Variants in PRKCA observed in about 807,000 individuals in gnomAD.
The protein encoded by PRKCA is protein kinase C alpha.
A neutral mutation model predicts 87.0 loss-of-function variants in PRKCA; 27 were observed. The ratio of observed to expected loss-of-function variants is 0.31; its 90% CI spans 0.23 to 0.43. The LOEUF (loss-of-function observed/expected upper bound fraction) is 0.43, where lower values mean the gene tolerates loss of function less well. Ranked by LOEUF, PRKCA falls within the 20% of genes least tolerant of loss-of-function variation. PRKCA has a pLI of 1.00. For missense variants in PRKCA, 518 were observed against 852.3 expected (o/e 0.61, Z 4.88); for synonymous variants, 329 against 311.1 (o/e 1.06, Z -0.61).
chr17:66,591,863 A>G (rs1969815973), intron 3 of PRKCA, among the ~76,000 whole-genome samples: 1 of 151,926 alleles, frequency 6.6e-6, no homozygotes, highest in Non-Finnish European at 1.5e-5. Flanking sequence ...ATGTTGAGAG[A>G]GCAGTCATCC....
In PRKCA at chr17:66,533,732, T is replaced by A. The variant is rs149759816; in HGVS notation, c.288+37449T>A. On this transcript the variant is annotated intron_variant, in intron 3 of 16. Transcript: ENST00000413366. ...CTGGCCAGGCAGACCCCGTTCCTTT[T>A]GCGAGTTTCCTGCAAGGCTGTTGTT... 4.4e-3 allele frequency among the ~76,000 whole-genome samples: 677 copies of A among 152,278 alleles called. 2 individuals are homozygous for A. The highest frequency in any genetic ancestry group is 7.6e-3 in the Non-Finnish European group (514 of 68,010).
chr17:66,766,735 G>A (rs1232318335), intron 13 of PRKCA, among the ~76,000 whole-genome samples: 1 of 151,402 alleles, frequency 6.6e-6, no homozygotes, highest in Non-Finnish European at 1.5e-5. Flanking sequence ...TTGAACCCGG[G>A]AGGCAGAGGT....
intron 3 of PRKCA, among the ~76,000 whole-genome samples, chr17:66,620,257 C>G (rs1970638669): frequency 1.3e-5 from 2 of 152,200 alleles, no homozygotes; most frequent in African/African-American, 4.8e-5. Flanking sequence ...TTAGCTGGTG[C>G]CTATTTTCCT....
chr17:66,472,589 A>C (rs1915370277), intron 2 of PRKCA, among the ~76,000 whole-genome samples: 1 of 152,224 alleles, frequency 6.6e-6, no homozygotes, highest in Non-Finnish European at 1.5e-5. Flanking sequence ...CCAAAATAGA[A>C]GTGAAGAGTC....
chr17:66,438,221 G>A (rs1464814512), intron 2 of PRKCA, among the ~76,000 whole-genome samples: 2 of 152,202 alleles, frequency 1.3e-5, no homozygotes, highest in South Asian at 2.1e-4. Context: ...TTGGGACCCC[G>A]CACTTGCTTG....
chr17:66,711,721 G>A (rs1386688396), intron 8 of PRKCA, among the ~76,000 whole-genome samples: 1 of 152,036 alleles, frequency 6.6e-6, no homozygotes, highest in Non-Finnish European at 1.5e-5. Context: ...GATTTGCAAG[G>A]GGAGAAACCC....
chr17:66,498,188 A>T (rs375599712), intron 3 of PRKCA, among the ~76,000 whole-genome samples: 35 of 149,068 alleles, frequency 2.3e-4, no homozygotes, highest in African/African-American at 8.2e-4. Flanking sequence ...CTTCTGGCAT[A>T]TTCTGGAATA....
chr17:66,388,326 CTCT>C (rs1234028411), intron 2 of PRKCA, among the ~76,000 whole-genome samples: 1 of 151,268 alleles, frequency 6.6e-6, no homozygotes, highest in African/African-American at 2.4e-5. Flanking sequence ...CGGAGTTTTG[CTCT>C]TCTTGCCCAG....
chr17:66,344,974 A>G (rs1019589565), intron 2 of PRKCA, among the ~76,000 whole-genome samples: 1 of 152,184 alleles, frequency 6.6e-6, no homozygotes, highest in African/African-American at 2.4e-5. Context: ...TTTTTACTGA[A>G]AGAACGAATA....
At position 66,643,484 on chromosome 17, in the gene PRKCA, TTG is replaced by T. The variant is rs1971364919; in HGVS notation, c.401-1895_401-1894del. On this transcript the variant is annotated intron_variant, in intron 4 of 16. Transcript: ENST00000413366. ...TTTATAATAAATAAGTGGTATAAAT[TTG>T]TGTTTGTTAGCTGAGTTTATGCTAA... Among the ~76,000 whole-genome samples, 3 of 152,346 alleles carry T rather than the reference TTG, an allele frequency of 2.0e-5. No homozygotes were observed. In the South Asian group the frequency reaches 6.2e-4, roughly 32 times the overall value.
At chr17:66,784,872 C>G (rs997151616) in intron 14 of PRKCA, among the ~76,000 whole-genome samples, 11 of 152,160 alleles carry the variant, frequency 7.2e-5, no homozygotes, top group South Asian at 2.1e-4. Flanking sequence ...GGGTGCCCCC[C>G]CAAGCTGCCC....
rs1220047208 is a variant in PRKCA at position 66,735,559 on chromosome 17, T to C, written c.1127T>C (p.Ile376Thr). The C allele has an allele frequency of 1.9e-6, 3 of 1,614,136 alleles. No individual in the cohort carries two copies. Among genetic ancestry groups the C allele is most frequent in the Admixed American group, 3.3e-5 (2 of 60,004 alleles). ...AIKILKKDVV[I>T]QDDDVECTMV... ...AAAATCCTGAAGAAGGATGTGGTGATTCAGGATGATGACGTGGAGTGCACC... is the reference window on the plus strand; with the variant it reads ...AAAATCCTGAAGAAGGATGTGGTGACTCAGGATGATGACGTGGAGTGCACC... Residue 376 changes from isoleucine (I) to threonine (T), a missense_variant, in exon 10 of 17, where the codon ATT (isoleucine) becomes ACT (threonine). Physicochemically the swap from Ile to Thr is moderately conservative, Grantham distance 89. Transcript: ENST00000413366.
chr17:66,448,378 G>A (rs1232793867), intron 2 of PRKCA, among the ~76,000 whole-genome samples: 2 of 152,252 alleles, frequency 1.3e-5, no homozygotes, highest in Non-Finnish European at 2.9e-5. Context: ...TTCGGAAATC[G>A]AGACGCCTGA....
intron 3 of PRKCA, among the ~76,000 whole-genome samples, chr17:66,612,006 A>G (rs1970378539): frequency 1.3e-5 from 2 of 151,972 alleles, no homozygotes; most frequent in South Asian, 4.2e-4. Flanking sequence ...CATTTTTATA[A>G]TGGATTTATT....
At position 66,369,281 on chromosome 17, in the gene PRKCA, G is replaced by A. The variant is rs141974284; in HGVS notation, c.205+63154G>A. 2.5e-3 allele frequency among the ~76,000 whole-genome samples: 379 copies of A among 152,228 alleles called. 3 individuals carry two copies. Among genetic ancestry groups the A allele is most frequent in the African/African-American group, 8.4e-3 (350 of 41,544 alleles). On this transcript the variant is annotated intron_variant, in intron 2 of 16. Transcript: ENST00000413366. ...TTTGGTGACTACCCCAGCCTAATGA[G>A]GTCCAAGATATCCCAGTACTTCCAC...
chr17:66,716,396 C>T (rs1407379753), intron 8 of PRKCA, among the ~76,000 whole-genome samples: 1 of 152,014 alleles, frequency 6.6e-6, no homozygotes, highest in African/African-American at 2.4e-5. Context: ...TGTTGCAGTG[C>T]GCACTGGGCC....
intron 2 of PRKCA, among the ~76,000 whole-genome samples, chr17:66,399,490 A>G (rs187079849): frequency 2.9e-4 from 44 of 152,346 alleles, no homozygotes; most frequent in Non-Finnish European, 4.6e-4. Flanking sequence ...AAAAATTACA[A>G]TCTTAACCAC....
intron 3 of PRKCA, among the ~76,000 whole-genome samples, chr17:66,594,761 G>A (rs1301120018): frequency 1.3e-5 from 2 of 152,182 alleles, no homozygotes; most frequent in East Asian, 1.9e-4. Flanking sequence ...AGAACATCGT[G>A]TTCTCTGCTG....
intron 3 of PRKCA, among the ~76,000 whole-genome samples, chr17:66,620,914 C>G (rs1970661200): frequency 6.6e-6 from 1 of 152,178 alleles, no homozygotes; most frequent in African/African-American, 2.4e-5. Context: ...GAAAATAACT[C>G]AGCTCTGAAG....
Sources: allele counts gnomAD v4.1 joint callset (sites outside exome capture counted in the v4.1 genomes callset), GRCh38; gene constraint gnomAD v4.1.1; transcripts MANE v1.5; gene names NCBI Gene and HGNC (gene_info 2026-07-23, HGNC 2026-07-21).